ZNF710: variants seen among roughly 807,000 people sequenced by gnomAD.
ZNF710 encodes zinc finger protein 710.
Under a neutral mutation model 50.6 loss-of-function variants are expected in ZNF710, and 13 were observed. The ratio of observed to expected loss-of-function variants is 0.26; its 90% CI spans 0.17 to 0.41. ZNF710 has a LOEUF of 0.41. Ranked by LOEUF, ZNF710 falls within the 10% of genes least tolerant of loss-of-function variation. ZNF710 has a pLI of 1.00. For synonymous variants in ZNF710, 383 were observed against 397.0 expected, an observed-to-expected ratio of 0.96 and a Z score of 0.42; for missense variants, 721 against 936.6, an observed-to-expected ratio of 0.77 and a Z score of 3.01.
chr15:90,059,578 A>T lies in ZNF710; in HGVS notation c.-28-7532A>T, dbSNP rs1481232447. ...GTGAATCTGTCCACAGAGAAAGGGG[A>T]AGCAAGGCAGAGACAGGATCGCAGG... is the stretch of plus-strand genomic sequence containing the variant. On this transcript the variant is annotated intron_variant, in intron 1 of 4. Transcript: ENST00000268154. The surrounding 1 kb of genome is among the most constrained non-coding windows in gnomAD (Gnocchi z 4.1). Among the ~76,000 whole-genome samples the T allele has an allele frequency of 6.6e-6, 1 of 151,864 alleles. No individual in the cohort carries two copies. The highest frequency in any genetic ancestry group is 2.4e-5 in the African/African-American group (1 of 41,302).
At chr15:90,045,225 G>A (rs1003858749) in intron 1 of ZNF710, 3 of 460,362 alleles carry the variant, frequency 6.5e-6, no homozygotes, top group Non-Finnish European at 5.7e-6. Context: ...GGAGAATGGT[G>A]TGCTGTCCAT....
At chr15:90,032,514 A>T (rs1252805335) in intron 1 of ZNF710, among the ~76,000 whole-genome samples, 11 of 152,020 alleles carry the variant, frequency 7.2e-5, no homozygotes, top group Admixed American at 7.2e-4. Context: ...ACGGTGGCTC[A>T]TGCCTGCAAT....
intron 1 of ZNF710, among the ~76,000 whole-genome samples, chr15:90,026,567 A>T (rs140249920): frequency 0.014 from 2,149 of 152,296 alleles, 30 homozygotes; most frequent in South Asian, 0.023. Context: ...AGAGCTCTCC[A>T]GTTCATTCTA....
chr15:90,042,570 G>A (rs946736549), intron 1 of ZNF710, among the ~76,000 whole-genome samples: 1 of 152,142 alleles, frequency 6.6e-6, no homozygotes, highest in Admixed American at 6.5e-5. Flanking sequence ...ATTATCTAGC[G>A]TTTGGATGAT....
chr15:90,067,027 C>G lies in ZNF710; in HGVS notation c.-28-83C>G. ...CAGAGCCAGACACACCCAAAATCAG[C>G]CAAGCCCTTGTCTGTGCTGTGTCTG... On this transcript the variant is annotated intron_variant, in intron 1 of 4. Coordinates refer to ENST00000268154, the MANE Select transcript of ZNF710 (RefSeq NM_198526.4). This position sits in a 1 kb window ranked among gnomAD's most constrained non-coding sequence, Gnocchi z 8.1. The G allele has an allele frequency of 3.5e-6, 5 of 1,445,202 alleles. No homozygotes were observed. The highest frequency in any genetic ancestry group is 4.6e-6 in the Non-Finnish European group (5 of 1,091,914). 89.5% of individuals were successfully genotyped at this position (1,445,202 alleles called of 1,614,324 possible).
At chr15:90,025,500 G>C (rs1428522177) in intron 1 of ZNF710, 1 of 152,140 alleles carries the variant, frequency 6.6e-6, no homozygotes, top group Admixed American at 6.5e-5. Context: ...ACACCATTTA[G>C]TACTTTTGTG....
At chr15:90,041,892 A>ATTTTTTTTT (rs71151548) in intron 1 of ZNF710, among the ~76,000 whole-genome samples, 1 of 110,600 alleles carries the variant, frequency 9.0e-6, no homozygotes, top group African/African-American at 3.5e-5. Context: ...TTTGTTTTTG[A>ATTTTTTTTT]TTTTTTTTTT....
At chr15:90,023,554 C>T (rs921207567) in intron 1 of ZNF710, among the ~76,000 whole-genome samples, 8 of 152,214 alleles carry the variant, frequency 5.3e-5, no homozygotes, top group African/African-American at 1.9e-4. Flanking sequence ...CATGGTGGCT[C>T]ATGCCTGTAA....
intron 1 of ZNF710, among the ~76,000 whole-genome samples, chr15:90,044,360 G>A (rs1233664704): frequency 6.6e-6 from 1 of 152,352 alleles, no homozygotes; most frequent in East Asian, 1.9e-4. Flanking sequence ...CTGGCGGAGC[G>A]TGGTGTCGCC....
chr15:90,062,321 T>C lies in ZNF710; in HGVS notation c.-28-4789T>C, dbSNP rs1386808239. ...CTATTTCCCCGCCTTTCACATTGAC[T>C]TTCTCCCCACCCTGGGGACCGAGGG... is the stretch of plus-strand genomic sequence containing the variant. On this transcript the variant is annotated intron_variant, in intron 1 of 4. Transcript: ENST00000268154. The surrounding 1 kb of genome is among the most constrained non-coding windows in gnomAD (Gnocchi z 5.6). Among the ~76,000 whole-genome samples, 3 of 152,086 alleles carry C rather than the reference T, an allele frequency of 2.0e-5. No homozygotes were observed. The highest frequency in any genetic ancestry group is 4.4e-5 in the Non-Finnish European group (3 of 68,004).
At chr15:90,012,505 T>C (rs568291462) in intron 1 of ZNF710, among the ~76,000 whole-genome samples, 1 of 151,936 alleles carries the variant, frequency 6.6e-6, no homozygotes, top group East Asian at 1.9e-4. Flanking sequence ...CCCCTGACCT[T>C]GTGATCCACC....
chr15:90,053,450 GCCAT>G, intron 1 of ZNF710, among the ~76,000 whole-genome samples: 1 of 151,802 alleles, frequency 6.6e-6, no homozygotes, highest in Non-Finnish European at 1.5e-5. Flanking sequence ...CCAGACTCAA[GCCAT>G]CCTCCCACTC....
chr15:90,078,073 TG>T (rs1432028451), intron 4 of ZNF710, among the ~76,000 whole-genome samples: 1 of 151,744 alleles, frequency 6.6e-6, no homozygotes, highest in African/African-American at 2.4e-5. Flanking sequence ...TAGCCGGGTA[TG>T]GTGGCGCATG....
Position 90,067,598 on chromosome 15 carries a change from G to A in ZNF710, c.461G>A (p.Ser154Asn). The change falls in exon 2 of 5, where the codon AGC becomes AAC. Residue 154 changes from serine (S) to asparagine (N), a missense_variant. This residue lies in a region of ZNF710 where 326 missense variants were observed against 347.1 expected (regional missense o/e 0.94). Transcript: ENST00000268154. This position sits in a 1 kb window ranked among gnomAD's most constrained non-coding sequence, Gnocchi z 8.1. ...SGGCDALVQS[S>N]AVKMIDLSAF... is the part of the protein sequence containing the mutation. ...GGCTGCGACGCCCTGGTGCAGAGCAGCGCCGTCAAGATGATCGACCTCAGC... is the reference window on the plus strand; with the variant it reads ...GGCTGCGACGCCCTGGTGCAGAGCAACGCCGTCAAGATGATCGACCTCAGC... The A allele has an allele frequency of 6.2e-7, 1 of 1,610,586 alleles. No individual in the cohort carries two copies.
chr15:90,057,022 G>A (rs1045590012), intron 1 of ZNF710, among the ~76,000 whole-genome samples: 3 of 151,740 alleles, frequency 2.0e-5, no homozygotes, highest in Admixed American at 1.3e-4. Context: ...CACCCACCCC[G>A]CCACCCCCAC....
chr15:90,057,605 G>A (rs1229250035), intron 1 of ZNF710, among the ~76,000 whole-genome samples: 1 of 151,942 alleles, frequency 6.6e-6, no homozygotes, highest in African/African-American at 2.4e-5. Context: ...GCTGAGGCAC[G>A]AGAATCGCTT....
intron 4 of ZNF710, among the ~76,000 whole-genome samples, chr15:90,079,285 G>A (rs1286085583): frequency 6.6e-6 from 1 of 152,238 alleles, no homozygotes; most frequent in African/African-American, 2.4e-5. Flanking sequence ...CAAAGGTGAT[G>A]TCACGCAGGC....
rs748656110 is a variant in ZNF710 at position 90,067,087 on chromosome 15, A to C, written c.-28-23A>C. 15 of 1,539,030 alleles carry C rather than the reference A, an allele frequency of 9.7e-6. No individual in the cohort carries two copies. The highest frequency in any genetic ancestry group is 1.8e-4 in the Middle Eastern group (1 of 5,676). On this transcript the variant is annotated intron_variant, in intron 1 of 4. Coordinates refer to ENST00000268154, the MANE Select transcript of ZNF710 (RefSeq NM_198526.4). This position sits in a 1 kb window ranked among gnomAD's most constrained non-coding sequence, Gnocchi z 8.1. ...TGTGCAGGAGTGAGCCAGCAATATT[A>C]ACCTTCCCTTCTCCACCCACAGCGA...
chr15:90,080,935 A>G lies in ZNF710; in HGVS notation c.*1106A>G, dbSNP rs1490617412. 4 of 152,244 alleles carry G rather than the reference A, an allele frequency of 2.6e-5. No homozygotes were observed. Among genetic ancestry groups the G allele is most frequent in the African/African-American group, 9.6e-5 (4 of 41,540 alleles). 9.4% of individuals were successfully genotyped at this position (152,244 alleles called of 1,614,324 possible). On this transcript the variant is annotated 3_prime_UTR_variant, in exon 5 of 5. Transcript: ENST00000268154. ...TGATGGAGATGCATTTTCTTTTTCC[A>G]AGCGTAAGCTTCCTAATGTGCTGTG...
Sources: allele counts gnomAD v4.1 joint callset (sites outside exome capture counted in the v4.1 genomes callset), GRCh38; gene constraint gnomAD v4.1.1; regional missense constraint gnomAD v4.1.1; non-coding constraint Gnocchi (gnomAD v3.1); transcripts MANE v1.5; gene names NCBI Gene and HGNC (gene_info 2026-07-23, HGNC 2026-07-21).